Variants in ANKFN1 observed in about 807,000 individuals in gnomAD.
ANKFN1 encodes ankyrin repeat and fibronectin type-III domain-containing protein 1.
A neutral mutation model predicts 108.7 loss-of-function variants in ANKFN1; 74 were observed. The ratio of observed to expected loss-of-function variants is 0.68; its 90% CI spans 0.56 to 0.83. The LOEUF is 0.83. ANKFN1 is among the 40% of genes least tolerant of loss of function. The pLI is 0.00. For synonymous variants in ANKFN1, 547 were observed against 516.2 expected (o/e 1.06, Z -0.81); for missense variants, 1,505 against 1,382.3 (o/e 1.09, Z -1.41).
At position 56,123,605 on chromosome 17, in the gene ANKFN1, G is replaced by T. The variant is rs188139821; in HGVS notation, c.288+77280G>T. Reference sequence around the variant, plus strand: ...GACAACTGCACTTTAAATTAGTATTGTAAGTGAAAAGCACATTTAAGTGTG... The same window carrying T: ...GACAACTGCACTTTAAATTAGTATTTTAAGTGAAAAGCACATTTAAGTGTG... On this transcript the variant is annotated intron_variant, in intron 4 of 12. Transcript: ENST00000635860. Among the ~76,000 whole-genome samples the T allele has an allele frequency of 3.3e-5, 5 of 152,286 alleles. No individual in the cohort carries two copies. In the East Asian group the frequency reaches 9.6e-4, roughly 29 times the overall value.
At chr17:56,471,892 A>G (rs1239012936) in intron 15 of ANKFN1, 1 of 152,228 alleles carries the variant, frequency 6.6e-6, no homozygotes, top group African/African-American at 2.4e-5. Context: ...GCAGGCGGAG[A>G]GATAGGGGAA....
intron 4 of ANKFN1, among the ~76,000 whole-genome samples, chr17:56,077,632 CT>C (rs1312651709): frequency 6.6e-6 from 1 of 152,216 alleles, no homozygotes; most frequent in Admixed American, 6.5e-5. Context: ...TACTCCCCTT[CT>C]CTGGCCAACT....
At chr17:56,327,371 T>C (rs1198027426) in intron 4 of ANKFN1, among the ~76,000 whole-genome samples, 1 of 152,132 alleles carries the variant, frequency 6.6e-6, no homozygotes, top group Non-Finnish European at 1.5e-5. Context: ...ATATAGAGTT[T>C]AATGTCTTTG....
Position 56,094,651 on chromosome 17 carries a change from A to C in ANKFN1, c.288+48326A>C, listed in dbSNP as rs1331853331. Among the ~76,000 whole-genome samples the C allele has an allele frequency of 5.4e-4, 59 of 109,610 alleles. 3 individuals are homozygous for C. The highest frequency in any genetic ancestry group is 1.9e-3 in the East Asian group (6 of 3,232). The allele number at this position is 109,610 out of a possible 152,430, so 71.9% of individuals were successfully genotyped here. A position where few individuals can be genotyped will look rare whatever the true frequency, so the allele number is the denominator to read the frequency against. On this transcript the variant is annotated intron_variant, in intron 4 of 12. Transcript: ENST00000635860. ...CCCGTGTAGCTGGGACTACAGGCGC[A>C]CACCACCACGCCCAGCTAATTGGGT...
At chr17:56,050,184 T>A (rs1211277977) in intron 4 of ANKFN1, among the ~76,000 whole-genome samples, 7 of 151,012 alleles carry the variant, frequency 4.6e-5, no homozygotes, top group Non-Finnish European at 8.9e-5. Context: ...GCTGCATAAA[T>A]GTCTTCTTTT....
chr17:56,236,160 C>T (rs1396016728), intron 3 of ANKFN1, among the ~76,000 whole-genome samples: 4 of 152,080 alleles, frequency 2.6e-5, no homozygotes, highest in South Asian at 2.1e-4. Flanking sequence ...CAGGTTCAAG[C>T]GATTCTTCTG....
chr17:56,307,265 G>A (rs2044857937), intron 3 of ANKFN1, among the ~76,000 whole-genome samples: 2 of 152,156 alleles, frequency 1.3e-5, no homozygotes, highest in African/African-American at 4.8e-5. Context: ...CACAGCAAAA[G>A]AAACTACCAT....
chr17:56,210,876 C>T (rs1047466856), intron 1 of ANKFN1, among the ~76,000 whole-genome samples: 3 of 152,134 alleles, frequency 2.0e-5, no homozygotes, highest in East Asian at 3.9e-4. Context: ...AAACCGCCCC[C>T]TTGATTCAAT....
chr17:56,122,749 G>GA (rs1318846124), intron 4 of ANKFN1, among the ~76,000 whole-genome samples: 2 of 152,162 alleles, frequency 1.3e-5, no homozygotes, highest in East Asian at 1.9e-4. Flanking sequence ...TATAGTCACT[G>GA]AAAAAAAGTG....
chr17:56,292,419 G>A (rs1170657153), intron 3 of ANKFN1, among the ~76,000 whole-genome samples: 1 of 152,136 alleles, frequency 6.6e-6, no homozygotes, highest in African/African-American at 2.4e-5. Flanking sequence ...TAAGGACCGT[G>A]CCTGGGGGAA....
In ANKFN1 at chr17:56,060,433, G is replaced by T. The variant is rs181545922; in HGVS notation, c.288+14108G>T. 9.9e-5 allele frequency among the ~76,000 whole-genome samples: 15 copies of T among 152,220 alleles called. 1 individual carries two copies. The East Asian group carries it at 2.7e-3, about 27-fold the overall frequency. On this transcript the variant is annotated intron_variant, in intron 4 of 12. Transcript: ENST00000635860. ...TGAATGCCCTTTATGTATTTCTTTT[G>T]CCTGATTGCCCTGGCCAGAACTTCC...
intron 3 of ANKFN1, among the ~76,000 whole-genome samples, chr17:56,307,460 A>G (rs1476263666): frequency 6.6e-6 from 1 of 152,266 alleles, no homozygotes; most frequent in African/African-American, 2.4e-5. Flanking sequence ...TTATGCAGCC[A>G]AAAGACACAT....
intron 4 of ANKFN1, among the ~76,000 whole-genome samples, chr17:56,327,863 G>C (rs1364392636): frequency 6.6e-6 from 1 of 152,140 alleles, no homozygotes; most frequent in Non-Finnish European, 1.5e-5. Context: ...AAGTATTCAA[G>C]ATCATTGTTC....
At chr17:56,387,139 C>A (rs187414931) in intron 8 of ANKFN1, among the ~76,000 whole-genome samples, 12 of 152,060 alleles carry the variant, frequency 7.9e-5, no homozygotes, top group African/African-American at 2.9e-4. Context: ...TGCTTATTTT[C>A]TATTTTATTA....
chr17:56,100,298 C>G (rs536537965), intron 4 of ANKFN1, among the ~76,000 whole-genome samples: 4 of 152,234 alleles, frequency 2.6e-5, no homozygotes, highest in Admixed American at 2.6e-4. Context: ...TGCTGGAGCT[C>G]CTAGGATTTT....
intron 8 of ANKFN1, among the ~76,000 whole-genome samples, chr17:56,391,366 ATATGTGTGTGTGTG>A (rs1251192529): frequency 6.8e-4 from 53 of 77,534 alleles, no homozygotes; most frequent in East Asian, 1.9e-3. Context: ...ATACATATAT[ATATGTGTGTGTGTG>A]TGTGTGTGTG....
chr17:56,385,862 C>G (rs1361703374), intron 8 of ANKFN1, among the ~76,000 whole-genome samples: 1 of 152,154 alleles, frequency 6.6e-6, no homozygotes, highest in Non-Finnish European at 1.5e-5. Flanking sequence ...AACACTTTTA[C>G]ACTGTTGGTG....
intron 4 of ANKFN1, among the ~76,000 whole-genome samples, chr17:56,346,797 T>A (rs1339277627): frequency 2.0e-5 from 3 of 151,898 alleles, no homozygotes; most frequent in Non-Finnish European, 4.4e-5. Flanking sequence ...TAAATGGCTT[T>A]TTAGGAATTC....
chr17:56,310,332 A>T lies in ANKFN1; in HGVS notation c.54-15889A>T, dbSNP rs1324154624. Among the ~76,000 whole-genome samples, 9 of 152,346 alleles carry T rather than the reference A, an allele frequency of 5.9e-5. No homozygotes were observed. The East Asian group carries it at 1.7e-3, about 29-fold the overall frequency. On this transcript the variant is annotated intron_variant, in intron 3 of 20. Transcript: ENST00000682825. ...ACTGCTGTGCTTTTGCAAATTAAAA[A>T]TTGGGCCGGGTGCAGTGGCTCACGC...
Sources: gnomAD v4.1 joint callset for allele counts (sites outside exome capture counted in the v4.1 genomes callset) on GRCh38, gnomAD v4.1.1 for gene constraint, MANE v1.5 for transcripts, NCBI Gene and HGNC (gene_info 2026-07-23, HGNC 2026-07-21) for gene names.